The following CCDC138 variants were observed in gnomAD, a reference collection of about 807,000 sequenced individuals.
CCDC138 encodes coiled-coil domain containing 138.
In CCDC138, 66 loss-of-function variants were observed where a neutral mutation model predicts 82.3. The observed-to-expected ratio is 0.80, with a 90% CI of 0.66 to 0.98. The LOEUF (loss-of-function observed/expected upper bound fraction) is 0.98, where lower values mean the gene tolerates loss of function less well. Among genes scored for constraint, CCDC138 ranks in the 50% least tolerant of loss-of-function variants. The pLI is 0.00. For missense variants in CCDC138, 816 were observed against 758.9 expected (o/e 1.08, Z -0.88); for synonymous variants, 297 against 265.4 (o/e 1.12, Z -1.16).
intron 12 of CCDC138, among the ~76,000 whole-genome samples, chr2:108,855,797 C>T (rs1369647665): frequency 6.6e-6 from 1 of 152,116 alleles, no homozygotes; most frequent in African/African-American, 2.4e-5. Flanking sequence ...TAAGCTGAAA[C>T]AGCAAAGAAG....
At chr2:108,823,410 C>T (rs1448247720) in intron 10 of CCDC138, among the ~76,000 whole-genome samples, 3 of 152,170 alleles carry the variant, frequency 2.0e-5, no homozygotes, top group African/African-American at 7.2e-5. Context: ...CTGAATTCAA[C>T]AGTACAGTCA....
At chr2:108,860,198 T>A (rs1693326344) in intron 13 of CCDC138, among the ~76,000 whole-genome samples, 1 of 152,180 alleles carries the variant, frequency 6.6e-6, no homozygotes, top group South Asian at 2.1e-4. Flanking sequence ...TGAATTTGTA[T>A]CTTCAGACTT....
chr2:108,853,150 C>A (rs952713140), intron 12 of CCDC138, among the ~76,000 whole-genome samples: 67 of 152,260 alleles, frequency 4.4e-4, no homozygotes, highest in African/African-American at 1.5e-3. Flanking sequence ...GACCCACAAT[C>A]GGAATAGTGA....
chr2:108,786,959 G>T lies in CCDC138; in HGVS notation c.93+44G>T, dbSNP rs576478641. Reference sequence around the variant, plus strand: ...GTCCGCGGGTGGGCTCCTGCTGCTGGGGGGCGGCCCGCTCCGTGCCCCGCG... The same window carrying T: ...GTCCGCGGGTGGGCTCCTGCTGCTGTGGGGCGGCCCGCTCCGTGCCCCGCG... On this transcript the variant is annotated intron_variant, in intron 1 of 14. Transcript: ENST00000295124. 3.3e-4 allele frequency: 449 copies of T among 1,364,576 alleles called. 8 individuals carry two copies. In the South Asian group the frequency reaches 5.4e-3, roughly 17 times the overall value. The allele number at this position is 1,364,576 out of a possible 1,614,324, so 84.5% of individuals were successfully genotyped here.
chr2:108,795,781 A>G (rs908336686), intron 5 of CCDC138, among the ~76,000 whole-genome samples: 4 of 152,156 alleles, frequency 2.6e-5, no homozygotes, highest in African/African-American at 9.7e-5. Flanking sequence ...AAAAGCAGTG[A>G]TTGTCCAATT....
At position 108,794,555 on chromosome 2, in the gene CCDC138, A is replaced by C. The variant is rs746381095; in HGVS notation, c.410A>C (p.Asn137Thr). The C allele has an allele frequency of 1.9e-6, 3 of 1,610,450 alleles. No individual in the cohort carries two copies. Among genetic ancestry groups the C allele is most frequent in the African/African-American group, 2.7e-5 (2 of 74,748 alleles). The change falls in exon 5 of 15, where the codon AAT (asparagine) becomes ACT (threonine). Residue 137 changes from asparagine (N) to threonine (T), a missense_variant. Asn to Thr is a moderately conservative substitution (Grantham distance 65). Coordinates refer to ENST00000295124, the MANE Select transcript of CCDC138 (RefSeq NM_144978.3). ...TTCTTTGCAGTTGCCTTGCCAACTA[A>C]TACGACCTCATCGAGACCTCGGACT... is the stretch of plus-strand genomic sequence containing the variant. Reference protein sequence around the residue: ...KEIEKVALPTNTTSSRPRTEC... With the variant: ...KEIEKVALPTTTTSSRPRTEC...
chr2:108,789,063 G>T, intron 3 of CCDC138, 97 bp downstream of exon 3: 1 of 1,273,820 alleles, frequency 7.9e-7, no homozygotes, highest in Non-Finnish European at 1.1e-6. Flanking sequence ...CTTTCCTGAG[G>T]ACAAGTATGA....
chr2:108,816,230 C>A (rs563445732), intron 10 of CCDC138, 125 bp downstream of exon 10: 5 of 659,814 alleles, frequency 7.6e-6, no homozygotes, highest in African/African-American at 7.5e-5. Context: ...CTGGGCAGAT[C>A]ACCTGAGGTC....
At position 108,794,715 on chromosome 2, in the gene CCDC138, A is replaced by G. The variant is rs145848380; in HGVS notation, c.570A>G (p.Lys190=). 1.3e-4 allele frequency: 208 copies of G among 1,609,280 alleles called. 1 individual carries two copies. The Middle Eastern group carries it at 2.6e-3, about 20-fold the overall frequency. Residue 190 remains lysine, a synonymous_variant, in exon 5 of 15, where the codon AAA becomes AAG. Coordinates refer to ENST00000295124, the MANE Select transcript of CCDC138 (RefSeq NM_144978.3). ...IYDELFQIHL[K]LQCETAAQQK... ...ACGAATTATTTCAGATACATCTGAA[A>G]TTGCAGGTAAGAACTAAATACTGAA...
At chr2:108,872,997 G>A (rs1457002441) in intron 13 of CCDC138, among the ~76,000 whole-genome samples, 5 of 151,914 alleles carry the variant, frequency 3.3e-5, no homozygotes, top group African/African-American at 1.2e-4. Context: ...TGCTCCAAAG[G>A]TTCTTCCTTA....
chr2:108,850,443 T>TTTTTG (rs1295742114), intron 12 of CCDC138, among the ~76,000 whole-genome samples: 36 of 152,134 alleles, frequency 2.4e-4, no homozygotes, highest in Non-Finnish European at 4.3e-4. Context: ...TGGCGAGTTT[T>TTTTTG]TTTTGTTTTG....
intron 5 of CCDC138, among the ~76,000 whole-genome samples, chr2:108,795,150 A>ATTTTTTTTTTTTTTTTTT (rs11458525): frequency 4.7e-5 from 4 of 85,010 alleles, no homozygotes; most frequent in African/African-American, 4.8e-5. Flanking sequence ...TCTAAAGTGT[A>ATTTTTTTTTTTTTTTTTT]TTTTTTTTTT....
intron 10 of CCDC138, among the ~76,000 whole-genome samples, chr2:108,824,383 C>T (rs1686218202): frequency 6.6e-6 from 1 of 151,906 alleles, no homozygotes; most frequent in South Asian, 2.1e-4. Context: ...ACTTTCTCGA[C>T]TATTCTGTTA....
chr2:108,852,226 C>G (rs1691631179), intron 12 of CCDC138, among the ~76,000 whole-genome samples: 1 of 152,128 alleles, frequency 6.6e-6, no homozygotes, highest in South Asian at 2.1e-4. Flanking sequence ...ATGTGATGCT[C>G]AATCTCTGAA....
intron 10 of CCDC138, among the ~76,000 whole-genome samples, chr2:108,825,554 A>T (rs972669232): frequency 1.9e-4 from 29 of 152,294 alleles, no homozygotes; most frequent in African/African-American, 6.7e-4. Flanking sequence ...ATATAAACAG[A>T]TTCGTACAAT....
chr2:108,807,939 T>C (rs769877900), intron 7 of CCDC138, among the ~76,000 whole-genome samples: 14 of 152,318 alleles, frequency 9.2e-5, no homozygotes, highest in Non-Finnish European at 1.8e-4. Flanking sequence ...TTGTGTTTGT[T>C]AGCCAACTTC....
chr2:108,831,774 C>A (rs1327530288), intron 10 of CCDC138, among the ~76,000 whole-genome samples: 3 of 146,116 alleles, frequency 2.1e-5, no homozygotes, highest in Admixed American at 2.0e-4. Context: ...CTCTTGTTGC[C>A]CAGGCTGGAG....
chr2:108,876,457 A>C lies in CCDC138; in HGVS notation c.*204A>C. On this transcript the variant is annotated 3_prime_UTR_variant, in exon 15 of 15. Coordinates refer to ENST00000295124, the MANE Select transcript of CCDC138 (RefSeq NM_144978.3). The stretch of plus-strand genomic sequence containing the variant: ...TTTCAGTTCAGGTAAGGTAATACTA[A>C]TATACAAGATGGCGTTTCTAGAATG... The C allele has an allele frequency of 2.8e-6, 1 of 351,830 alleles. No homozygotes were observed. Among genetic ancestry groups the C allele is most frequent in the Non-Finnish European group, 5.1e-6 (1 of 197,014 alleles). 21.8% of individuals were successfully genotyped at this position (351,830 alleles called of 1,614,324 possible).
At chr2:108,826,585 A>AT (rs1295388574) in intron 10 of CCDC138, among the ~76,000 whole-genome samples, 2 of 152,118 alleles carry the variant, frequency 1.3e-5, no homozygotes, top group African/African-American at 4.8e-5. Flanking sequence ...CCATATCTGG[A>AT]TTCTCAGTTC....
Sources: allele counts gnomAD v4.1 joint callset (sites outside exome capture counted in the v4.1 genomes callset), GRCh38; gene constraint gnomAD v4.1.1; transcripts MANE v1.5; gene names NCBI Gene and HGNC (gene_info 2026-07-23, HGNC 2026-07-21).